Variants in CELF2 observed in about 807,000 individuals in gnomAD.
CELF2 encodes CUGBP Elav-like family member 2.
A neutral mutation model predicts 62.6 loss-of-function variants in CELF2; 8 were observed. The observed-to-expected ratio is 0.13, with a 90% CI of 0.07 to 0.23. The LOEUF (loss-of-function observed/expected upper bound fraction) is 0.23, where lower values mean the gene tolerates loss of function less well. Among genes scored for constraint, CELF2 ranks in the 10% least tolerant of loss-of-function variants. The probability of loss-of-function intolerance (pLI) is 1.00; values close to 1 mark genes in which losing one functional copy is unlikely to be tolerated. For synonymous variants in CELF2, 258 were observed against 250.0 expected (o/e 1.03, Z -0.30); for missense variants, 333 against 671.0 (o/e 0.50, Z 5.56).
chr10:11,111,631 AG>A (rs1485043394), intron 1 of CELF2, among the ~76,000 whole-genome samples: 2 of 152,144 alleles, frequency 1.3e-5, no homozygotes, highest in Non-Finnish European at 2.9e-5. Context: ...ATATGAAGGC[AG>A]TCTCTCTTTT....
At chr10:10,820,118 T>C (rs1448776339) in intron 1 of CELF2, among the ~76,000 whole-genome samples, 1 of 152,198 alleles carries the variant, frequency 6.6e-6, no homozygotes, top group East Asian at 1.9e-4. Flanking sequence ...CTCATTTTTC[T>C]CTTGCCACCA....
chr10:10,712,627 C>A, the CELF2 span, among the ~76,000 whole-genome samples: 2 of 152,140 alleles, frequency 1.3e-5, no homozygotes, highest in South Asian at 2.1e-4. Flanking sequence ...TTCAGACATC[C>A]AACTCCTACC....
At chr10:10,941,942 C>G (rs564672342) in intron 2 of CELF2, among the ~76,000 whole-genome samples, 1 of 148,226 alleles carries the variant, frequency 6.7e-6, no homozygotes, top group Admixed American at 6.8e-5. Context: ...TGCAGTGAGC[C>G]GAGATCACAG....
chr10:11,214,393 T>C lies in CELF2; in HGVS notation c.272-3032T>C, dbSNP rs1297334974. Among the ~76,000 whole-genome samples the C allele has an allele frequency of 6.6e-6, 1 of 152,190 alleles. No homozygotes were observed. The highest frequency in any genetic ancestry group is 1.5e-5 in the Non-Finnish European group (1 of 68,028). Reference sequence around the variant, plus strand: ...AATGTGAAAAACCAAAAGAAGCCTCTGGGGTTAGTATTCCCAGTCTCCTTG... The same window carrying C: ...AATGTGAAAAACCAAAAGAAGCCTCCGGGGTTAGTATTCCCAGTCTCCTTG... On this transcript the variant is annotated intron_variant, in intron 2 of 12. Transcript: ENST00000633077. The surrounding 1 kb of genome is among the most constrained non-coding windows in gnomAD (Gnocchi z 4.2).
chr10:10,847,543 T>C (rs1354343418), intron 1 of CELF2, among the ~76,000 whole-genome samples: 1 of 152,206 alleles, frequency 6.6e-6, no homozygotes, highest in Non-Finnish European at 1.5e-5. Context: ...GCACGATGTA[T>C]AACAATTCAG....
At chr10:10,930,051 C>T (rs1461267315) in intron 2 of CELF2, among the ~76,000 whole-genome samples, 2 of 152,180 alleles carry the variant, frequency 1.3e-5, no homozygotes, top group Non-Finnish European at 2.9e-5. Context: ...TCTCAAAATT[C>T]TTTATAGATG....
chr10:10,564,660 A>ACACACACACACG, the CELF2 span, among the ~76,000 whole-genome samples: 1 of 100,058 alleles, frequency 1.0e-5, no homozygotes, highest in Admixed American at 9.7e-5. Flanking sequence ...ACACACACAC[A>ACACACACACACG]CACACACACA....
the CELF2 span, among the ~76,000 whole-genome samples, chr10:10,499,799 A>G: frequency 6.6e-6 from 1 of 152,162 alleles, no homozygotes; most frequent in Non-Finnish European, 1.5e-5. Context: ...AATCACTTGA[A>G]CCTGGGAGAT....
chr10:11,004,426 T>C (rs561005537), upstream of CELF2, among the ~76,000 whole-genome samples: 224 of 150,966 alleles, frequency 1.5e-3, 2 homozygotes, highest in Middle Eastern at 3.4e-3. The surrounding 1 kb of genome is among the most constrained non-coding windows in gnomAD (Gnocchi z 5.0). Context: ...CGCGCGCGTG[T>C]GTGTGTGTGT....
chr10:10,959,093 T>C (rs144465393), intron 2 of CELF2, among the ~76,000 whole-genome samples: 39 of 152,182 alleles, frequency 2.6e-4, no homozygotes, highest in African/African-American at 8.7e-4. Context: ...TCTGTTCTAC[T>C]AAAAATACAA....
intron 3 of CELF2, among the ~76,000 whole-genome samples, chr10:11,219,606 C>G (rs2064241642): frequency 1.3e-5 from 2 of 152,184 alleles, no homozygotes; most frequent in South Asian, 4.1e-4. Context: ...GCTACATTTG[C>G]TATTCCAAAT....
At chr10:10,537,648 A>T in the CELF2 span, among the ~76,000 whole-genome samples, 1 of 152,100 alleles carries the variant, frequency 6.6e-6, no homozygotes, top group African/African-American at 2.4e-5. Flanking sequence ...AGAACCAGCC[A>T]TCCTTGCCAC....
At chr10:10,855,846 G>A (rs1356589356) in intron 1 of CELF2, among the ~76,000 whole-genome samples, 1 of 152,114 alleles carries the variant, frequency 6.6e-6, no homozygotes, top group Non-Finnish European at 1.5e-5. Flanking sequence ...CCAGCATGTA[G>A]TAGATATTAG....
the CELF2 span, among the ~76,000 whole-genome samples, chr10:10,602,624 A>T: frequency 6.6e-6 from 1 of 152,150 alleles, no homozygotes; most frequent in Admixed American, 6.5e-5. Context: ...TTTTTAATTA[A>T]TAAATTTATT....
the CELF2 span, among the ~76,000 whole-genome samples, chr10:10,545,024 T>A: frequency 6.6e-6 from 1 of 152,302 alleles, no homozygotes; most frequent in South Asian, 2.1e-4. Flanking sequence ...ATCACTGTAA[T>A]ACACACCTCT....
intron 9 of CELF2, among the ~76,000 whole-genome samples, chr10:11,307,694 T>C (rs895418330): frequency 3.3e-5 from 5 of 152,180 alleles, no homozygotes; most frequent in African/African-American, 1.2e-4. Flanking sequence ...TGAAACCCCA[T>C]TTTGCCTCCA....
chr10:11,059,397 G>A (rs1258344389), intron 1 of CELF2, among the ~76,000 whole-genome samples: 1 of 142,464 alleles, frequency 7.0e-6, no homozygotes, highest in Non-Finnish European at 1.6e-5. Context: ...TTTTACTAAG[G>A]TGGGGAGCAA....
At chr10:10,773,637 A>G in the CELF2 span, among the ~76,000 whole-genome samples, 1 of 152,190 alleles carries the variant, frequency 6.6e-6, no homozygotes, top group Non-Finnish European at 1.5e-5. Flanking sequence ...CACTGGCTGT[A>G]TGTTAGAATT....
At chr10:11,172,545 C>T (rs1336406066) in intron 2 of CELF2, among the ~76,000 whole-genome samples, 1 of 152,156 alleles carries the variant, frequency 6.6e-6, no homozygotes, top group African/African-American at 2.4e-5. Flanking sequence ...CCTTTAAATG[C>T]CCCATACTCT....
Sources: gnomAD v4.1 joint callset for allele counts (sites outside exome capture counted in the v4.1 genomes callset) on GRCh38, gnomAD v4.1.1 for gene constraint, Gnocchi (gnomAD v3.1) non-coding constraint, MANE v1.5 for transcripts, NCBI Gene and HGNC (gene_info 2026-07-23, HGNC 2026-07-21) for gene names.